TK1: variants seen among roughly 807,000 people sequenced by gnomAD.
TK1 encodes the protein thymidine kinase, cytosolic.
Under a neutral mutation model 22.4 loss-of-function variants are expected in TK1, and 13 were observed. That is an observed-to-expected ratio of 0.58 (90% CI 0.38 to 0.92). TK1 has a LOEUF of 0.92. Among genes scored for constraint, TK1 ranks in the 40% least tolerant of loss-of-function variants. The probability of loss-of-function intolerance (pLI) is 0.00; values close to 1 mark genes in which losing one functional copy is unlikely to be tolerated. For synonymous variants in TK1, 134 were observed against 125.4 expected (o/e 1.07, Z -0.46); for missense variants, 251 against 315.7 (o/e 0.80, Z 1.55).
chr17:78,182,495 C>G (rs1390996549), intron 4 of TK1, 94 bp downstream of exon 4: 1 of 977,944 alleles, frequency 1.0e-6, no homozygotes, highest in Non-Finnish European at 1.5e-6. Context: ...TGTTATTTTA[C>G]TAAAAGATCA....
At chr17:78,183,942 C>T (rs1383846788) in intron 3 of TK1, among the ~76,000 whole-genome samples, 2 of 152,176 alleles carry the variant, frequency 1.3e-5, no homozygotes, top group Non-Finnish European at 2.9e-5. Flanking sequence ...CTCTGTGGCC[C>T]GTGTTAGAGA....
In TK1 at chr17:78,177,488, C is replaced by A. The variant is rs370102193; in HGVS notation, c.304-1870G>T. ...TGCAAATATTCGAAAACCTGAAATC[C>A]GAAACACTTCTGGTCCCAGGCATTT... On this transcript the variant is annotated intron_variant, in intron 4 of 6. Coordinates refer to ENST00000301634, the MANE Select transcript of TK1 (RefSeq NM_003258.5). 1.2e-4 allele frequency among the ~76,000 whole-genome samples: 18 copies of A among 152,294 alleles called. No homozygotes were observed. In the East Asian group the frequency reaches 3.3e-3, roughly 28 times the overall value.
At chr17:78,175,501 A>G in intron 5 of TK1, 28 bp downstream of exon 5, 1 of 1,603,074 alleles carries the variant, frequency 6.2e-7, no homozygotes, top group Non-Finnish European at 8.5e-7. Flanking sequence ...CCTCAATCCC[A>G]GCTCCAGACC....
intron 4 of TK1, among the ~76,000 whole-genome samples, chr17:78,178,395 G>T (rs551906606): frequency 6.6e-6 from 1 of 152,034 alleles, no homozygotes; most frequent in South Asian, 2.1e-4. Flanking sequence ...TGTGTGTCTC[G>T]CCCGGGGTAC....
At chr17:78,186,685 A>ACGGGG (rs1200014640) in intron 2 of TK1, 102 bp downstream of exon 2, 2 of 844,284 alleles carry the variant, frequency 2.4e-6, no homozygotes, top group Admixed American at 2.9e-5. Flanking sequence ...GAGGGAAGGG[A>ACGGGG]AGGGGAGGGG....
At position 78,174,577 on chromosome 17, in the gene TK1, G is replaced by A. The variant is rs994853828; in HGVS notation, c.*182C>T. ...AGAGGGAAGCTTTAAGCAGACCAGT[G>A]GGTAGGAGAGGAGGGAGCATGCGGC... is the stretch of plus-strand genomic sequence containing the variant. On this transcript the variant is annotated 3_prime_UTR_variant, in exon 7 of 7. Transcript: ENST00000301634. 6 of 679,282 alleles carry A rather than the reference G, an allele frequency of 8.8e-6. No homozygotes were observed. In the African/African-American group the frequency reaches 1.1e-4, roughly 12 times the overall value. The allele number at this position is 679,282 out of a possible 1,614,324, so 42.1% of individuals were successfully genotyped here. A position where few individuals can be genotyped will look rare whatever the true frequency, so the allele number is the denominator to read the frequency against.
exon 1 of TK1, chr17:78,187,045 AGTAAGCCCCTGGTTCCCGCG>A (rs1407414581): frequency 1.3e-6 from 2 of 1,565,148 alleles, no homozygotes; most frequent in Non-Finnish European, 1.7e-6. Flanking sequence ...GCCGTCCCGC[AGTAAGCCCCTGGTTCCCGCG>A]CCGACCGCTT....
At chr17:78,176,945 A>AC in intron 4 of TK1, among the ~76,000 whole-genome samples, 1 of 151,830 alleles carries the variant, frequency 6.6e-6, no homozygotes, top group Admixed American at 6.6e-5. Context: ...TGAGTTGAGA[A>AC]CCTTGCTCCT....
At chr17:78,181,682 G>T (rs976152990) in intron 4 of TK1, among the ~76,000 whole-genome samples, 8 of 152,110 alleles carry the variant, frequency 5.3e-5, no homozygotes, top group Admixed American at 2.0e-4. Flanking sequence ...ACTAAAAAAG[G>T]TACTTCAACA....
intron 4 of TK1, chr17:78,179,640 A>AG: frequency 1.0e-6 from 1 of 985,442 alleles, no homozygotes; most frequent in Non-Finnish European, 1.2e-6. Context: ...TGGCCTTTTG[A>AG]GGGGACAGGC....
At chr17:78,182,169 G>A (rs574223804) in intron 4 of TK1, among the ~76,000 whole-genome samples, 1 of 152,200 alleles carries the variant, frequency 6.6e-6, no homozygotes, top group Non-Finnish European at 1.5e-5. Flanking sequence ...GAGGTTGGGA[G>A]TTTGAGACCA....
At position 78,174,894 on chromosome 17, in the gene TK1, G is replaced by C; in HGVS notation, c.570C>G (p.Phe190Leu). 6.2e-7 allele frequency: 1 copy of C among 1,613,946 alleles called. No individual in the cohort carries two copies. Among genetic ancestry groups the C allele is most frequent in the Non-Finnish European group, 8.5e-7 (1 of 1,179,884 alleles). Residue 190 changes from phenylalanine to leucine, a missense_variant, in exon 7 of 7, where the codon TTC (phenylalanine) becomes TTG (leucine). Transcript: ENST00000301634. Reference sequence around the variant, plus strand: ...CGGCAGGCTGGCCTGAGGCCTTCTTGAAGTAGCAGAGCCGACACACGGAGT... The same window carrying C: ...CGGCAGGCTGGCCTGAGGCCTTCTTCAAGTAGCAGAGCCGACACACGGAGT... Reference protein sequence around the residue: ...KYHSVCRLCYFKKASGQPAGP... With the variant: ...KYHSVCRLCYLKKASGQPAGP...
chr17:78,185,067 C>G lies in TK1; in HGVS notation c.197G>C (p.Cys66Ser). ...GGCAGGGACTGACCGGTCATGTGTG[C>G]AGAAGCTGCTGCTGTAGCGAGTGTC... ...AKDTRYSSSF[C>S]THDRNTMEAL... The change falls in exon 3 of 7, where the codon TGC (cysteine) becomes TCC (serine). Residue 66 changes from cysteine (C) to serine (S), a missense_variant. By Grantham distance (112) the Cys-to-Ser change is moderately radical. Coordinates refer to ENST00000301634, the MANE Select transcript of TK1 (RefSeq NM_003258.5). 8 of 1,612,644 alleles carry G rather than the reference C, an allele frequency of 5.0e-6. No individual in the cohort carries two copies. The highest frequency in any genetic ancestry group is 6.8e-6 in the Non-Finnish European group (8 of 1,179,652).
At chr17:78,175,676 G>T in intron 4 of TK1, 58 bp from the exon 5 acceptor site, 1 of 1,508,218 alleles carries the variant, frequency 6.6e-7, no homozygotes, top group Non-Finnish European at 9.1e-7. Context: ...GCAGCTCCCT[G>T]GAGCCCCAGC....
intron 4 of TK1, chr17:78,179,372 C>T (rs536868013): frequency 1.7e-5 from 17 of 985,416 alleles, no homozygotes; most frequent in East Asian, 1.1e-4. Flanking sequence ...GCAACAACGA[C>T]GTCTCCACGT....
intron 4 of TK1, among the ~76,000 whole-genome samples, chr17:78,177,910 A>G (rs748154458): frequency 4.8e-4 from 72 of 149,284 alleles, no homozygotes; most frequent in Non-Finnish European, 9.5e-4. Flanking sequence ...TCGCTCTGTC[A>G]TCCAGGCTGG....
At chr17:78,186,880 T>A (rs1200013868) in intron 1 of TK1, 49 bp downstream of exon 1, 5 of 1,566,358 alleles carry the variant, frequency 3.2e-6, no homozygotes, top group Middle Eastern at 3.3e-4. Flanking sequence ...ACACAGGCTA[T>A]CACCACGACC....
Position 78,185,114 on chromosome 17 carries a change from G to A in TK1, c.150C>T (p.Cys50=), listed in dbSNP as rs773080776. 3.1e-6 allele frequency: 5 copies of A among 1,612,052 alleles called. No homozygotes were observed. The highest frequency in any genetic ancestry group is 1.1e-5 in the South Asian group (1 of 90,954). Residue 50 remains cysteine (C), a synonymous_variant, in exon 3 of 7, where the codon TGC becomes TGT. Coordinates refer to ENST00000301634, the MANE Select transcript of TK1 (RefSeq NM_003258.5). The stretch of plus-strand genomic sequence containing the variant: ...TGTCTTTGGCATACTTGATCACCAG[G>A]CACTTGTACTGAGCAATCTGGAAGC... ...VRRFQIAQYK[C]LVIKYAKDTR... is the part of the protein sequence containing the mutation.
chr17:78,184,084 G>A (rs2075760846), intron 3 of TK1, among the ~76,000 whole-genome samples: 3 of 152,248 alleles, frequency 2.0e-5, no homozygotes, highest in Admixed American at 2.0e-4. Flanking sequence ...ACACCACCCT[G>A]TGCCGTGGAC....
Sources: allele counts gnomAD v4.1 joint callset (sites outside exome capture counted in the v4.1 genomes callset), GRCh38; gene constraint gnomAD v4.1.1; transcripts MANE v1.5; gene names NCBI Gene and HGNC (gene_info 2026-07-23, HGNC 2026-07-21).